Variants in TENM1 observed in about 807,000 individuals in gnomAD.
TENM1 encodes the protein teneurin transmembrane protein 1, also known as teneurin-1.
Under a neutral mutation model 174.8 loss-of-function variants are expected in TENM1, and 35 were observed. The observed-to-expected ratio is 0.20, with a 90% CI of 0.15 to 0.27. TENM1 has a LOEUF of 0.27. TENM1 is among the 10% of genes least tolerant of loss of function. The probability of loss-of-function intolerance (pLI) is 1.00; values close to 1 mark genes in which losing one functional copy is unlikely to be tolerated. For synonymous variants in TENM1, 781 were observed against 798.7 expected (o/e 0.98, Z 0.37); for missense variants, 1,633 against 2,130.1 (o/e 0.77, Z 4.59).
At chrX:124,899,707 C>T (rs750049760) in intron 1 of TENM1, among the ~76,000 whole-genome samples, 1 of 111,968 alleles carries the variant, frequency 8.9e-6, no homozygotes, top group Admixed American at 9.5e-5. Flanking sequence ...CTACTGCTTT[C>T]CGCAATGGTT....
At chrX:124,640,151 T>C (rs1001182536) in intron 11 of TENM1, among the ~76,000 whole-genome samples, 2 of 110,928 alleles carry the variant, frequency 1.8e-5, no homozygotes, top group Non-Finnish European at 3.8e-5. Flanking sequence ...CCTAAGGATA[T>C]AGATATATAT....
chrX:124,958,053 G>A (rs1229835243), intron 1 of TENM1, among the ~76,000 whole-genome samples: 1 of 111,619 alleles, frequency 9.0e-6, no homozygotes, highest in Non-Finnish European at 1.9e-5. Context: ...TAGCTAGCCT[G>A]TGTGCCTCTA....
chrX:124,936,795 C>A (rs555184276), intron 1 of TENM1, among the ~76,000 whole-genome samples: 39 of 111,531 alleles, frequency 3.5e-4, no homozygotes, highest in African/African-American at 1.3e-3. Flanking sequence ...ACCTGTAATC[C>A]CAGCACTTTG....
upstream of TENM1, among the ~76,000 whole-genome samples, chrX:124,968,679 C>T (rs760978165): frequency 1.3e-4 from 14 of 111,474 alleles, no homozygotes; most frequent in African/African-American, 3.9e-4. Context: ...TCCTGCTCCT[C>T]GACACTCAAC....
chrX:124,690,532 C>T (rs2052493684), intron 5 of TENM1, among the ~76,000 whole-genome samples: 2 of 106,348 alleles, frequency 1.9e-5, no homozygotes, highest in Admixed American at 1.0e-4. Context: ...TGTGTATACA[C>T]ACATATATGT....
chrX:124,530,122 C>T (rs904419602), intron 15 of TENM1, 139 bp from the exon 19 acceptor site: 1 of 634,551 alleles, frequency 1.6e-6, no homozygotes, highest in African/African-American at 2.3e-5. Flanking sequence ...CTACTAATAA[C>T]ATTCTGGGGA....
At position 124,885,892 on chromosome X, in the gene TENM1, T is replaced by A. The variant is rs183979699; in HGVS notation, c.535+8404A>T. 3.8e-3 allele frequency among the ~76,000 whole-genome samples: 425 copies of A among 111,374 alleles called. 1 individual carries two copies. Among genetic ancestry groups the A allele is most frequent in the Non-Finnish European group, 7.1e-3 (374 of 52,979 alleles). ...CAAATTCAACTGCACACATTCAAAT[T>A]GTGAGCTATTCTGCATTCCACTTTA... On this transcript the variant is annotated intron_variant, in intron 3 of 31. Transcript: ENST00000422452.
At chrX:125,121,749 A>G in the TENM1 span, among the ~76,000 whole-genome samples, 2 of 112,107 alleles carry the variant, frequency 1.8e-5, no homozygotes, top group African/African-American at 6.5e-5. Context: ...TACAAAAGCA[A>G]TAAGTTTTAA....
At chrX:124,486,011 C>T (rs1447578596) in intron 21 of TENM1, among the ~76,000 whole-genome samples, 1 of 111,708 alleles carries the variant, frequency 9.0e-6, no homozygotes, top group Non-Finnish European at 1.9e-5. Flanking sequence ...TTCTTGATAG[C>T]CAGCAGTCAG....
intron 22 of TENM1, among the ~76,000 whole-genome samples, chrX:124,460,344 A>C (rs910175677): frequency 1.8e-5 from 2 of 112,054 alleles, no homozygotes; most frequent in East Asian, 2.8e-4. Context: ...CCCATCACTG[A>C]TAGACTGTAT....
chrX:124,703,993 A>T, intron 5 of TENM1, among the ~76,000 whole-genome samples: 1 of 112,280 alleles, frequency 8.9e-6, no homozygotes, highest in Non-Finnish European at 1.9e-5. Flanking sequence ...TTTACTTACC[A>T]TCCACTGGTC....
At chrX:124,621,478 GAAAAC>G (rs766777159) in intron 11 of TENM1, among the ~76,000 whole-genome samples, 8 of 111,650 alleles carry the variant, frequency 7.2e-5, no homozygotes, top group Admixed American at 2.9e-4. Flanking sequence ...GTCTCAAAAT[GAAAAC>G]AAAACAAAAC....
chrX:124,571,254 A>G (rs1250573664), intron 11 of TENM1, among the ~76,000 whole-genome samples: 3 of 112,453 alleles, frequency 2.7e-5, no homozygotes, highest in Non-Finnish European at 5.6e-5. Flanking sequence ...AAAAGAATTC[A>G]TGAATTATGT....
At chrX:124,780,388 CTTTA>C (rs1490280579) in intron 3 of TENM1, among the ~76,000 whole-genome samples, 1 of 111,973 alleles carries the variant, frequency 8.9e-6, no homozygotes, top group Non-Finnish European at 1.9e-5. Context: ...TCACATAAAA[CTTTA>C]TTTGTTGCCT....
chrX:124,381,539 A>G (rs966428662), intron 31 of TENM1, among the ~76,000 whole-genome samples: 4 of 111,928 alleles, frequency 3.6e-5, no homozygotes, highest in Non-Finnish European at 7.5e-5. Flanking sequence ...TAAACTTGAA[A>G]TCACAGAATT....
intron 3 of TENM1, among the ~76,000 whole-genome samples, chrX:124,823,586 G>C (rs1175576236): frequency 1.8e-5 from 2 of 110,576 alleles, no homozygotes. Context: ...CTAAAAAGTA[G>C]CTTTTAACTA....
At chrX:124,797,833 G>A (rs2055342767) in intron 3 of TENM1, among the ~76,000 whole-genome samples, 1 of 110,544 alleles carries the variant, frequency 9.0e-6, no homozygotes, top group South Asian at 3.9e-4. Context: ...TTGTCCTAAT[G>A]CTCTCCCTCC....
chrX:124,432,181 G>A (rs757340026), intron 23 of TENM1, among the ~76,000 whole-genome samples: 10 of 111,415 alleles, frequency 9.0e-5, no homozygotes, highest in Non-Finnish European at 1.7e-4. Flanking sequence ...AAGGGCCATC[G>A]CTCTTTTAGG....
At chrX:125,111,415 A>AAAAT in the TENM1 span, among the ~76,000 whole-genome samples, 67 of 111,063 alleles carry the variant, frequency 6.0e-4, no homozygotes, top group Middle Eastern at 4.7e-3. Context: ...CGTTTCTATT[A>AAAAT]AAATAAATAA....
Sources: gnomAD v4.1 joint callset for allele counts (sites outside exome capture counted in the v4.1 genomes callset) on GRCh38, gnomAD v4.1.1 for gene constraint, MANE v1.5 for transcripts, NCBI Gene and HGNC (gene_info 2026-07-23, HGNC 2026-07-21) for gene names.